Variants in LINGO1 observed in about 807,000 individuals in gnomAD.
LINGO1 encodes leucine-rich repeat and immunoglobulin-like domain-containing nogo receptor-interacting protein 1.
In LINGO1, 11 loss-of-function variants were observed where a neutral mutation model predicts 37.3. The ratio of observed to expected loss-of-function variants is 0.29; its 90% CI spans 0.19 to 0.49. LINGO1 has a LOEUF of 0.49. Among genes scored for constraint, LINGO1 ranks in the 20% least tolerant of loss-of-function variants. The probability of loss-of-function intolerance (pLI) is 0.99; values close to 1 mark genes in which losing one functional copy is unlikely to be tolerated. For missense variants in LINGO1, 585 were observed against 878.2 expected (o/e 0.67, Z 4.22); for synonymous variants, 387 against 403.0 (o/e 0.96, Z 0.48).
intron 1 of LINGO1, among the ~76,000 whole-genome samples, chr15:77,692,897 G>A (rs2075628573): frequency 2.0e-5 from 3 of 152,224 alleles, no homozygotes; most frequent in African/African-American, 7.2e-5. Context: ...AGGCCCAAAA[G>A]GTGAAAGACT....
chr15:77,666,955 T>C (rs2075143250), intron 3 of LINGO1: 1 of 152,180 alleles, frequency 6.6e-6, no homozygotes, highest in Admixed American at 6.5e-5. Context: ...CTTCTTGTGT[T>C]CAAGGAATGA....
chr15:77,721,843 A>G (rs973491453), intron 2 of LINGO1, among the ~76,000 whole-genome samples: 3 of 152,134 alleles, frequency 2.0e-5, no homozygotes, highest in Non-Finnish European at 2.9e-5. Flanking sequence ...TGAAATGGGC[A>G]GCCTGGAGCA....
At chr15:77,789,201 G>A (rs1596233232), upstream of LINGO1, among the ~76,000 whole-genome samples, 1 of 152,202 alleles carries the variant, frequency 6.6e-6, no homozygotes, top group African/African-American at 2.4e-5. Context: ...CAATACCTCA[G>A]TATGTGATCT....
At chr15:77,692,589 G>A (rs1056797937) in intron 1 of LINGO1, among the ~76,000 whole-genome samples, 10 of 152,270 alleles carry the variant, frequency 6.6e-5, no homozygotes, top group African/African-American at 2.2e-4. Flanking sequence ...GAGAGACCTC[G>A]ACTGTGAATG....
intron 1 of LINGO1, among the ~76,000 whole-genome samples, chr15:77,744,733 T>C (rs988006453): frequency 6.6e-6 from 1 of 152,172 alleles, no homozygotes; most frequent in East Asian, 1.9e-4. Flanking sequence ...CCCAAGGTCA[T>C]GCACATAGAG....
In LINGO1 at chr15:77,782,560, G is replaced by A. The variant is rs116450606; in HGVS notation, c.-257+4309C>T. On this transcript the variant is annotated intron_variant, in intron 1 of 3. Transcript: ENST00000561686. ...CTTGGCTTACTGGCTCCTCAAACCC[G>A]GCAAGTCCAAACCAGGATGCCTGCA... is the stretch of plus-strand genomic sequence containing the variant. Among the ~76,000 whole-genome samples, 828 of 152,126 alleles carry A rather than the reference G, an allele frequency of 5.4e-3. 7 individuals carry two copies. Among genetic ancestry groups the A allele is most frequent in the African/African-American group, 0.019 (783 of 41,480 alleles).
intron 2 of LINGO1, among the ~76,000 whole-genome samples, chr15:77,733,234 G>A (rs2076170768): frequency 6.6e-6 from 1 of 152,218 alleles, no homozygotes; most frequent in Non-Finnish European, 1.5e-5. Context: ...GCTTCTCAGA[G>A]GAGGCACACT....
At chr15:77,647,178 G>C (rs1486373326) in intron 3 of LINGO1, among the ~76,000 whole-genome samples, 1 of 152,136 alleles carries the variant, frequency 6.6e-6, no homozygotes, top group Non-Finnish European at 1.5e-5. Context: ...GGCAGTGTCA[G>C]GAGCTTCACT....
chr15:77,723,341 T>G (rs2076070014), intron 2 of LINGO1, among the ~76,000 whole-genome samples: 1 of 152,198 alleles, frequency 6.6e-6, no homozygotes, highest in Non-Finnish European at 1.5e-5. Context: ...AGCACCATGA[T>G]GCAGACCTGC....
chr15:77,696,381 G>A (rs2075694050), intron 1 of LINGO1: 1 of 152,292 alleles, frequency 6.6e-6, no homozygotes, highest in Admixed American at 6.5e-5. Context: ...AGCCTGGAAT[G>A]ATGCCAGACC....
intron 3 of LINGO1, chr15:77,641,751 G>A (rs2074511453): frequency 2.4e-6 from 1 of 423,158 alleles, no homozygotes; most frequent in African/African-American, 2.0e-5. Flanking sequence ...GAGGCCCAGA[G>A]ACACAGAGAG....
chr15:77,614,119 C>T lies in LINGO1; in HGVS notation c.1788G>A (p.Glu596=). The change falls in exon 2 of 2, where the codon GAG becomes GAA. Residue 596 remains glutamate, a synonymous_variant. Coordinates refer to ENST00000355300, the MANE Select transcript of LINGO1 (RefSeq NM_032808.7). ...KGNTKHNIEI[E]YVPRKSDAGI... ...CTGCGTCCGACTTTCGGGGCACATA[C>T]TCGATCTCGATGTTGTGCTTTGTGT... 6.2e-7 allele frequency: 1 copy of T among 1,613,994 alleles called. No individual in the cohort carries two copies. The highest frequency in any genetic ancestry group is 8.5e-7 in the Non-Finnish European group (1 of 1,179,886).
chr15:77,623,113 G>A (rs1244070439), intron 1 of LINGO1, among the ~76,000 whole-genome samples: 1 of 152,242 alleles, frequency 6.6e-6, no homozygotes, highest in Non-Finnish European at 1.5e-5. Context: ...ATGCTGCGAG[G>A]GGCAGGACTC....
At chr15:77,649,774 C>G (rs746475190) in intron 3 of LINGO1, among the ~76,000 whole-genome samples, 1 of 152,078 alleles carries the variant, frequency 6.6e-6, no homozygotes, top group Non-Finnish European at 1.5e-5. Context: ...ACAGCCTGCC[C>G]CCCCGAGTGC....
At chr15:77,716,289 T>C in intron 2 of LINGO1, among the ~76,000 whole-genome samples, 1 of 144,470 alleles carries the variant, frequency 6.9e-6, no homozygotes, top group African/African-American at 2.5e-5. Flanking sequence ...TCTTTTTTTT[T>C]TTTTTTTTTG....
intron 1 of LINGO1, among the ~76,000 whole-genome samples, chr15:77,800,912 G>A (rs773343955): frequency 5.3e-5 from 8 of 152,204 alleles, no homozygotes; most frequent in Non-Finnish European, 1.2e-4. Context: ...ATAAATGCAT[G>A]AAAAGATGTT....
At chr15:77,650,094 G>A (rs2074726088) in intron 3 of LINGO1, among the ~76,000 whole-genome samples, 1 of 152,238 alleles carries the variant, frequency 6.6e-6, no homozygotes, top group African/African-American at 2.4e-5. Context: ...TTTGCAAACT[G>A]TTAAGTGGTG....
chr15:77,750,983 G>A (rs749269683), intron 1 of LINGO1, among the ~76,000 whole-genome samples: 2 of 152,180 alleles, frequency 1.3e-5, no homozygotes, highest in African/African-American at 4.8e-5. Flanking sequence ...GAGTTGGGGC[G>A]AGGAGGAGGT....
intron 1 of LINGO1, among the ~76,000 whole-genome samples, chr15:77,759,221 C>T (rs1178520931): frequency 1.3e-5 from 2 of 152,218 alleles, no homozygotes; most frequent in African/African-American, 4.8e-5. Flanking sequence ...ACATTGCTTC[C>T]CCTTCCTTCA....
Sources: gnomAD v4.1 joint callset for allele counts (sites outside exome capture counted in the v4.1 genomes callset) on GRCh38, gnomAD v4.1.1 for gene constraint, MANE v1.5 for transcripts, NCBI Gene and HGNC (gene_info 2026-07-23, HGNC 2026-07-21) for gene names.